The following MCPH1 variants were observed in gnomAD, a reference collection of about 807,000 sequenced individuals.
MCPH1 encodes the protein microcephalin.
In MCPH1, 104 loss-of-function variants were observed where a neutral mutation model predicts 84.5. The ratio of observed to expected loss-of-function variants is 1.23; its 90% CI spans 1.05 to 1.45. The LOEUF (loss-of-function observed/expected upper bound fraction) is 1.45. Among genes scored for constraint, MCPH1 ranks in the 40% most tolerant of loss-of-function variants. MCPH1 has a pLI of 0.00. For missense variants in MCPH1, 1,498 were observed against 1,005.7 expected (o/e 1.49, Z -6.62); for synonymous variants, 514 against 366.8 (o/e 1.40, Z -4.58).
intron 12 of MCPH1, among the ~76,000 whole-genome samples, chr8:6,580,330 C>T (rs1827457540): frequency 6.6e-6 from 1 of 152,194 alleles, no homozygotes; most frequent in Admixed American, 6.5e-5. Flanking sequence ...CCTGATACAG[C>T]CGGTTGCCCT....
chr8:6,607,305 A>G (rs1586778621), intron 12 of MCPH1, among the ~76,000 whole-genome samples: 1 of 151,994 alleles, frequency 6.6e-6, no homozygotes, highest in African/African-American at 2.4e-5. Context: ...CCATTAGCTC[A>G]CTCCCAGTTT....
In MCPH1 at chr8:6,562,779, G is replaced by C. The variant is rs755558160; in HGVS notation, c.2215-58675G>C. 4.9e-5 allele frequency: 79 copies of C among 1,613,576 alleles called. No homozygotes were observed. The highest frequency in any genetic ancestry group is 6.6e-5 in the Non-Finnish European group (78 of 1,179,930). ...CGTAGGGGCTGGAGGAAGAGCGGCA[G>C]TTGTCCATCTCTGGCAGGAGGAAAG... is the stretch of plus-strand genomic sequence containing the variant. On this transcript the variant is annotated intron_variant, in intron 12 of 13. Transcript: ENST00000344683.
At chr8:6,619,176 C>G (rs943297454) in intron 12 of MCPH1, 3 of 152,216 alleles carry the variant, frequency 2.0e-5, no homozygotes, top group Non-Finnish European at 4.4e-5. Context: ...AGGTGGAGAT[C>G]GGTGCCCCCC....
intron 12 of MCPH1, among the ~76,000 whole-genome samples, chr8:6,604,333 C>G (rs892248660): frequency 6.6e-6 from 1 of 152,176 alleles, no homozygotes; most frequent in East Asian, 1.9e-4. Context: ...AACTTTTGAC[C>G]GAGAAGTAGA....
chr8:6,503,307 G>A (rs371319484), intron 12 of MCPH1: 1 of 1,606,442 alleles, frequency 6.2e-7, no homozygotes, highest in Non-Finnish European at 8.5e-7. Context: ...GGTGATGCCA[G>A]CTCCCACCAC....
At chr8:6,543,889 A>G (rs1038594774) in intron 12 of MCPH1, among the ~76,000 whole-genome samples, 1 of 152,222 alleles carries the variant, frequency 6.6e-6, no homozygotes, top group Non-Finnish European at 1.5e-5. Flanking sequence ...AGAAGCTGAA[A>G]GGGCGCAATC....
intron 12 of MCPH1, among the ~76,000 whole-genome samples, chr8:6,588,844 C>T (rs547325017): frequency 1.4e-4 from 21 of 152,244 alleles, no homozygotes; most frequent in African/African-American, 3.6e-4. Context: ...GCCAGCACCA[C>T]GACAGGCAGG....
intron 3 of MCPH1, among the ~76,000 whole-genome samples, chr8:6,418,127 C>G (rs966434048): frequency 1.3e-5 from 2 of 152,114 alleles, no homozygotes; most frequent in Admixed American, 6.5e-5. Flanking sequence ...CTATGGTTCT[C>G]TTACTTCCTG....
At chr8:6,495,587 A>G (rs7824203) in intron 11 of MCPH1, among the ~76,000 whole-genome samples, 2 of 152,236 alleles carry the variant, frequency 1.3e-5, no homozygotes, top group South Asian at 2.1e-4. Flanking sequence ...GATTTTTATA[A>G]TTTTGTCAGC....
In MCPH1 at chr8:6,445,151, A is replaced by G. The variant is rs912819426; in HGVS notation, c.1429A>G (p.Thr477Ala). The G allele has an allele frequency of 7.4e-6, 12 of 1,614,132 alleles. No homozygotes were observed. In the Middle Eastern group the frequency reaches 9.9e-4, roughly 133 times the overall value. Residue 477 changes from threonine (T) to alanine (A), a missense_variant, in exon 8 of 14, where the codon ACA becomes GCA. Transcript: ENST00000344683. ...KTRTVDITNFTAKTISSPRKT... is the reference protein window; with the variant it reads ...KTRTVDITNFAAKTISSPRKT... ...CAGAACAGTTGACATTACCAATTTC[A>G]CAGCAAAAACCATCTCCAGTCCTCG...
At chr8:6,470,222 C>G (rs1807534996) in intron 9 of MCPH1, among the ~76,000 whole-genome samples, 1 of 152,108 alleles carries the variant, frequency 6.6e-6, no homozygotes, top group Admixed American at 6.5e-5. Flanking sequence ...CTGGAGCTGT[C>G]CATATAATAG....
At chr8:6,642,232 A>C (rs1427989880) in intron 13 of MCPH1, among the ~76,000 whole-genome samples, 1 of 152,144 alleles carries the variant, frequency 6.6e-6, no homozygotes, top group East Asian at 1.9e-4. Flanking sequence ...CTACCTTATC[A>C]TCCAATCGGT....
At chr8:6,435,981 A>G in intron 4 of MCPH1, 67 bp from the exon 5 acceptor site, 1 of 1,588,616 alleles carries the variant, frequency 6.3e-7, no homozygotes, top group Non-Finnish European at 8.6e-7. Context: ...AATGTATGCG[A>G]AAGGGCTTTT....
chr8:6,594,309 G>T (rs1407285506), intron 12 of MCPH1, among the ~76,000 whole-genome samples: 1 of 152,228 alleles, frequency 6.6e-6, no homozygotes, highest in Non-Finnish European at 1.5e-5. Context: ...AGTGGAATGA[G>T]TGGTTTACCC....
intron 13 of MCPH1, among the ~76,000 whole-genome samples, chr8:6,639,386 G>A (rs1235031973): frequency 6.6e-6 from 1 of 152,068 alleles, no homozygotes; most frequent in Non-Finnish European, 1.5e-5. Flanking sequence ...TTATGGTCAG[G>A]TCCAGTGACT....
At chr8:6,526,970 C>T (rs571272323) in intron 12 of MCPH1, among the ~76,000 whole-genome samples, 2 of 152,120 alleles carry the variant, frequency 1.3e-5, no homozygotes, top group Non-Finnish European at 1.5e-5. Flanking sequence ...TTTACTTTAT[C>T]GTGTGTTTGA....
intron 9 of MCPH1, among the ~76,000 whole-genome samples, chr8:6,458,454 A>G (rs1429856207): frequency 6.8e-6 from 1 of 148,084 alleles, no homozygotes; most frequent in Admixed American, 6.7e-5. Flanking sequence ...CCTGGGCAAC[A>G]GAGTGAGACT....
chr8:6,563,724 A>C (rs934248629), intron 12 of MCPH1, among the ~76,000 whole-genome samples: 1 of 152,184 alleles, frequency 6.6e-6, no homozygotes, highest in Non-Finnish European at 1.5e-5. Context: ...CAGAGGGAAA[A>C]ATAGATTCAT....
At chr8:6,418,896 G>C (rs1339398934) in intron 3 of MCPH1, among the ~76,000 whole-genome samples, 1 of 151,954 alleles carries the variant, frequency 6.6e-6, no homozygotes, top group African/African-American at 2.4e-5. Flanking sequence ...TTTTTTTTAA[G>C]ACTCATGGCT....
Sources: allele counts gnomAD v4.1 joint callset (sites outside exome capture counted in the v4.1 genomes callset), GRCh38; gene constraint gnomAD v4.1.1; transcripts MANE v1.5; gene names NCBI Gene and HGNC (gene_info 2026-07-23, HGNC 2026-07-21).